Variants in NIM1K observed in about 807,000 individuals in gnomAD.
NIM1K encodes serine/threonine-protein kinase NIM1.
NIM1K carries 35 observed loss-of-function variants against 37.1 expected under a neutral mutation model. The ratio of observed to expected loss-of-function variants is 0.94; its 90% CI spans 0.72 to 1.25. The LOEUF is 1.25. NIM1K is among the 50% of genes most tolerant of loss of function. The pLI is 0.00. For synonymous variants in NIM1K, 234 were observed against 206.6 expected (o/e 1.13, Z -1.14); for missense variants, 564 against 548.0 (o/e 1.03, Z -0.29).
intron 1 of NIM1K, among the ~76,000 whole-genome samples, chr5:43,196,941 G>GGTT (rs1442668896): frequency 2.1e-5 from 2 of 97,302 alleles, no homozygotes; most frequent in Non-Finnish European, 2.2e-5. Context: ...CCCATGCCCA[G>GGTT]CTTTTTTTTT....
At chr5:43,221,918 A>G (rs559140769) in intron 1 of NIM1K, among the ~76,000 whole-genome samples, 11 of 152,222 alleles carry the variant, frequency 7.2e-5, no homozygotes, top group Admixed American at 3.9e-4. Context: ...TGTCTTATGC[A>G]TTTTATGCCC....
chr5:43,277,384 G>C, intron 3 of NIM1K, 59 bp downstream of exon 3: 1 of 1,552,252 alleles, frequency 6.4e-7, no homozygotes, highest in Non-Finnish European at 8.7e-7. Context: ...GGGAGCACAG[G>C]GCTTTAGGTT....
At chr5:43,224,085 G>A (rs111989492) in intron 1 of NIM1K, among the ~76,000 whole-genome samples, 10,996 of 144,512 alleles carry the variant, frequency 0.076, 589 homozygotes, top group Middle Eastern at 0.17. Context: ...TCCTTTTTCT[G>A]GAGAACGGGG....
rs774125135 is a variant in NIM1K, at chr5:43,196,942, CTTTTTTT to C, written c.-695+4548_-695+4554del. Among the ~76,000 whole-genome samples, 774 of 82,804 alleles carry C rather than the reference CTTTTTTT, an allele frequency of 9.3e-3. 17 individuals are homozygous for C. Among genetic ancestry groups the C allele is most frequent in the African/African-American group, 0.034 (734 of 21,812 alleles). The allele number at this position is 82,804 out of a possible 152,430, so 54.3% of individuals were successfully genotyped here. On this transcript the variant is annotated intron_variant, in intron 1 of 3. Transcript: ENST00000326035. The stretch of plus-strand genomic sequence containing the variant: ...TGCACGCTACCATGCCCATGCCCAG[CTTTTTTT>C]TTTTTTTTTTTTTTTTGGTAAAGAC...
chr5:43,215,046 T>G (rs1377781700), intron 1 of NIM1K, among the ~76,000 whole-genome samples: 3 of 152,224 alleles, frequency 2.0e-5, no homozygotes, highest in African/African-American at 7.2e-5. Flanking sequence ...TTTCTGCATT[T>G]AAATAATGTC....
At chr5:43,279,533 G>T (rs769152330) in intron 3 of NIM1K, among the ~76,000 whole-genome samples, 1 of 152,150 alleles carries the variant, frequency 6.6e-6, no homozygotes, top group Admixed American at 6.5e-5. Flanking sequence ...ACCTCCCTTC[G>T]GCTGAATTCT....
intron 2 of NIM1K, among the ~76,000 whole-genome samples, chr5:43,256,654 T>C (rs1182885346): frequency 6.6e-6 from 1 of 152,234 alleles, no homozygotes; most frequent in African/African-American, 2.4e-5. Context: ...TCTCTGCCTC[T>C]GGGCTTTCTC....
At chr5:43,209,339 A>C (rs1752171298) in intron 1 of NIM1K, among the ~76,000 whole-genome samples, 1 of 152,206 alleles carries the variant, frequency 6.6e-6, no homozygotes, top group Admixed American at 6.5e-5. Flanking sequence ...GGGGCAGCTC[A>C]TCAAACCCGC....
At chr5:43,195,386 C>T (rs754517656) in intron 1 of NIM1K, among the ~76,000 whole-genome samples, 4 of 152,072 alleles carry the variant, frequency 2.6e-5, no homozygotes, top group Non-Finnish European at 4.4e-5. Context: ...AGGTCGGTGC[C>T]GTGGCTCAGG....
chr5:43,280,461 G>C lies in NIM1K; in HGVS notation c.1043G>C (p.Ser348Thr), dbSNP rs1225043657. Reference protein sequence around the residue: ...QLDPKHLSETSTLKEEENEVK... With the variant: ...QLDPKHLSETTTLKEEENEVK... ...GATCCCAAACATTTGTCGGAAACCA[G>C]CACTCTCAAGGAAGAAGAAAATGAG... The change falls in exon 4 of 4, where the codon AGC (serine) becomes ACC (threonine). Residue 348 changes from serine to threonine, a missense_variant. Transcript: ENST00000326035. The C allele has an allele frequency of 6.2e-7, 1 of 1,614,040 alleles. No individual in the cohort carries two copies. The highest frequency in any genetic ancestry group is 8.5e-7 in the Non-Finnish European group (1 of 1,180,040).
At chr5:43,233,972 A>G (rs1392170633) in intron 1 of NIM1K, among the ~76,000 whole-genome samples, 1 of 152,206 alleles carries the variant, frequency 6.6e-6, no homozygotes, top group African/African-American at 2.4e-5. Flanking sequence ...TTGGAAATGA[A>G]TGATAAATGA....
At position 43,210,431 on chromosome 5, in the gene NIM1K, T is replaced by A. The variant is rs1752186809; in HGVS notation, c.-695+18020T>A. ...GGCACTGTTTAGAGATAGAGATGCA[T>A]AAAATATCTTCCCTGCCCTCAGGTG... On this transcript the variant is annotated intron_variant, in intron 1 of 3. Coordinates refer to ENST00000326035, the MANE Select transcript of NIM1K (RefSeq NM_153361.4). 3.3e-5 allele frequency among the ~76,000 whole-genome samples: 5 copies of A among 152,158 alleles called. No individual in the cohort carries two copies. In the South Asian group the frequency reaches 1.0e-3, roughly 32 times the overall value.
intron 1 of NIM1K, among the ~76,000 whole-genome samples, chr5:43,220,686 A>T (rs536179841): frequency 1.7e-4 from 26 of 152,292 alleles, no homozygotes; most frequent in Non-Finnish European, 3.5e-4. Flanking sequence ...CCTAGTTTAG[A>T]TTTATACTAA....
At position 43,245,150 on chromosome 5, in the gene NIM1K, A is replaced by G. The variant is rs1306703113; in HGVS notation, c.-626A>G. Reference sequence around the variant, plus strand: ...AGGTTCATCTAAATAAAGGCCGGCTAAAGTGACATTGCAGGGATTAAATCC... The same window carrying G: ...AGGTTCATCTAAATAAAGGCCGGCTGAAGTGACATTGCAGGGATTAAATCC... On this transcript the variant is annotated 5_prime_UTR_variant, in exon 2 of 4. Transcript: ENST00000326035. 1 of 152,248 alleles carries G rather than the reference A, an allele frequency of 6.6e-6. No individual in the cohort carries two copies. Among genetic ancestry groups the G allele is most frequent in the African/African-American group, 2.4e-5 (1 of 41,458 alleles). 9.4% of individuals were successfully genotyped at this position (152,248 alleles called of 1,614,324 possible). A position where few individuals can be genotyped will look rare whatever the true frequency, so the allele number is the denominator to read the frequency against.
At chr5:43,270,528 A>C (rs1753240092) in intron 2 of NIM1K, among the ~76,000 whole-genome samples, 1 of 152,216 alleles carries the variant, frequency 6.6e-6, no homozygotes. Flanking sequence ...CCAGCTGTGA[A>C]TGAGGAGTGG....
At chr5:43,276,992 GTCCTCTCCAGT>G in intron 2 of NIM1K, 54 bp from the exon 3 acceptor site, 1 of 1,498,816 alleles carries the variant, frequency 6.7e-7, no homozygotes, top group East Asian at 2.3e-5. Context: ...GCTGATCCAG[GTCCTCTCCAGT>G]TCTAACTATG....
chr5:43,248,746 G>A (rs1752821594), intron 2 of NIM1K, among the ~76,000 whole-genome samples: 1 of 152,032 alleles, frequency 6.6e-6, no homozygotes, highest in Non-Finnish European at 1.5e-5. Context: ...AAAGCCAACA[G>A]ACTCAAGACC....
At chr5:43,264,767 C>T (rs1257710775) in intron 2 of NIM1K, among the ~76,000 whole-genome samples, 1 of 152,118 alleles carries the variant, frequency 6.6e-6, no homozygotes, top group African/African-American at 2.4e-5. Flanking sequence ...ACTGGTTGTT[C>T]CTTTCCATGT....
intron 1 of NIM1K, chr5:43,225,382 T>C (rs559972540): frequency 6.6e-6 from 1 of 151,800 alleles, no homozygotes; most frequent in Non-Finnish European, 1.5e-5. Flanking sequence ...ATTCCTCAGA[T>C]AAAAGTTATT....
Sources: gnomAD v4.1 joint callset for allele counts (sites outside exome capture counted in the v4.1 genomes callset) on GRCh38, gnomAD v4.1.1 for gene constraint, MANE v1.5 for transcripts, NCBI Gene and HGNC (gene_info 2026-07-23, HGNC 2026-07-21) for gene names.